Variants in SELP observed in about 807,000 individuals in gnomAD.
SELP encodes the protein selectin P.
In SELP, 92 loss-of-function variants were observed where a neutral mutation model predicts 104.1. The observed-to-expected ratio is 0.88, with a 90% CI of 0.75 to 1.05. SELP has a LOEUF of 1.05. SELP is among the 50% of genes least tolerant of loss of function. The probability of loss-of-function intolerance (pLI) is 0.00; values close to 1 mark genes in which losing one functional copy is unlikely to be tolerated. For synonymous variants in SELP, 397 were observed against 364.5 expected (o/e 1.09, Z -1.01); for missense variants, 1,022 against 1,017.3 (o/e 1.00, Z -0.06).
In SELP at chr1:169,630,104, T is replaced by G; in HGVS notation, c.-30A>C. 1 of 1,614,158 alleles carries G rather than the reference T, an allele frequency of 6.2e-7. No homozygotes were observed. Among genetic ancestry groups the G allele is most frequent in the Non-Finnish European group, 8.5e-7 (1 of 1,179,988 alleles). On this transcript the variant is annotated 5_prime_UTR_variant, in exon 1 of 17. Coordinates refer to ENST00000263686, the MANE Select transcript of SELP (RefSeq NM_003005.4). ...TCTGTGACTCTGCTGGTTTTCTGCC[T>G]TCTGCCCAACCCAGACTGCTTACAG... is the stretch of plus-strand genomic sequence containing the variant.
chr1:169,609,462 C>T lies in SELP; in HGVS notation c.1333+42G>A, dbSNP rs561526630. On this transcript the variant is annotated intron_variant, in intron 8 of 16. Coordinates refer to ENST00000263686, the MANE Select transcript of SELP (RefSeq NM_003005.4). Reference sequence around the variant, plus strand: ...TCAGTGCAGATGCTGATGCCTCTAACGAGCTGAGACACACAGAAAAACATT... The same window carrying T: ...TCAGTGCAGATGCTGATGCCTCTAATGAGCTGAGACACACAGAAAAACATT... The T allele has an allele frequency of 4.4e-5, 69 of 1,569,548 alleles. 1 individual carries two copies. The highest frequency in any genetic ancestry group is 2.5e-4 in the Admixed American group (14 of 55,842).
At chr1:169,601,766 C>G (rs1661922163) in intron 10 of SELP, among the ~76,000 whole-genome samples, 10 of 152,282 alleles carry the variant, frequency 6.6e-5, no homozygotes. Context: ...GCTACTTAAC[C>G]TCTCAAAGCC....
At chr1:169,607,604 G>T (rs564690116) in intron 8 of SELP, among the ~76,000 whole-genome samples, 1 of 152,220 alleles carries the variant, frequency 6.6e-6, no homozygotes, top group Non-Finnish European at 1.5e-5. Flanking sequence ...AATGTATGAT[G>T]TTAAATAAAA....
intron 11 of SELP, 42 bp downstream of exon 11, chr1:169,596,949 A>ACCC: frequency 6.6e-7 from 1 of 1,521,106 alleles, no homozygotes; most frequent in Non-Finnish European, 8.9e-7. Flanking sequence ...TGTAGAATAA[A>ACCC]TTTCCAAAAG....
At position 169,590,176 on chromosome 1, in the gene SELP, G is replaced by A. The variant is rs748832593; in HGVS notation, c.2465C>T (p.Thr822Ile). The A allele has an allele frequency of 6.2e-7, 1 of 1,613,358 alleles. No homozygotes were observed. The highest frequency in any genetic ancestry group is 2.2e-5 in the East Asian group (1 of 44,864). Residue 822 changes from threonine (T) to isoleucine (I), a missense_variant, in exon 16 of 17, where the codon ACA becomes ATA. Transcript: ENST00000263686. Reference sequence around the variant, plus strand: ...AGGACTCGGGTCAAATGCAGCGTTTGTAAAAACTCCATATGTTCCTAGGTG... The same window carrying A: ...AGGACTCGGGTCAAATGCAGCGTTTATAAAAACTCCATATGTTCCTAGGTG... ...HSHLGTYGVF[T>I]NAAFDPSP
At position 169,597,134 on chromosome 1, in the gene SELP, A is replaced by C. The variant is rs565289341; in HGVS notation, c.1748T>G (p.Leu583Arg). The C allele has an allele frequency of 1.9e-6, 3 of 1,610,704 alleles. No individual in the cohort carries two copies. The African/African-American group carries it at 4.0e-5, about 22-fold the overall frequency. ...TTCTCCACGAGTGTCAGAACAATCC[A>C]GGCTGCCCTGCTCTGGGGCAAAGAG... Reference protein sequence around the residue: ...PELFAPEQGSLDCSDTRGEFN... With the variant: ...PELFAPEQGSRDCSDTRGEFN... Residue 583 changes from leucine (L) to arginine (R), a missense_variant, in exon 11 of 17, where the codon CTG becomes CGG. By Grantham distance (102) the Leu-to-Arg change is moderately radical. Coordinates refer to ENST00000263686, the MANE Select transcript of SELP (RefSeq NM_003005.4).
intron 3 of SELP, among the ~76,000 whole-genome samples, chr1:169,616,666 T>TG (rs1348392939): frequency 6.6e-6 from 1 of 151,772 alleles, no homozygotes; most frequent in East Asian, 1.9e-4. Flanking sequence ...GACACAGGGG[T>TG]GAAAAAAAAG....
intron 9 of SELP, among the ~76,000 whole-genome samples, chr1:169,604,715 G>A (rs1662096860): frequency 6.6e-6 from 1 of 152,134 alleles, no homozygotes; most frequent in Non-Finnish European, 1.5e-5. Context: ...TGTGGGGCTG[G>A]AGAGGACACA....
rs1323219691 is a variant in SELP, at chr1:169,617,205, T to C, written c.304A>G (p.Thr102Ala). ...AGAGCCTTTTTGGTTCCCACCCATG[T>C]CCATGTCTTATTGTTCTTTCGGATC... is the stretch of plus-strand genomic sequence containing the variant. ...IGIRKNNKTWTWVGTKKALTN... is the reference protein window; with the variant it reads ...IGIRKNNKTWAWVGTKKALTN... The change falls in exon 3 of 17, where the codon ACA becomes GCA. Residue 102 changes from threonine (T) to alanine (A), a missense_variant. By Grantham distance (58) the Thr-to-Ala change is moderately conservative. Coordinates refer to ENST00000263686, the MANE Select transcript of SELP (RefSeq NM_003005.4). 6.2e-7 allele frequency: 1 copy of C among 1,614,110 alleles called. No individual in the cohort carries two copies. Among genetic ancestry groups the C allele is most frequent in the African/African-American group, 1.3e-5 (1 of 74,940 alleles).
chr1:169,604,169 T>A (rs1571639385), intron 9 of SELP, among the ~76,000 whole-genome samples: 1 of 151,312 alleles, frequency 6.6e-6, no homozygotes, highest in Non-Finnish European at 1.5e-5. Context: ...GGTATCTCAT[T>A]GTGGTTTTGA....
At chr1:169,606,584 C>T (rs1322080861) in intron 9 of SELP, among the ~76,000 whole-genome samples, 2 of 151,836 alleles carry the variant, frequency 1.3e-5, no homozygotes, top group African/African-American at 4.9e-5. Context: ...GGGACAACCA[C>T]TCTGAAGCAA....
At chr1:169,618,870 T>A (rs1009775827) in intron 2 of SELP, among the ~76,000 whole-genome samples, 19 of 152,216 alleles carry the variant, frequency 1.2e-4, no homozygotes, top group African/African-American at 3.6e-4. Flanking sequence ...CAGACGTGTG[T>A]GGGTCTTTGA....
intron 1 of SELP, among the ~76,000 whole-genome samples, chr1:169,620,272 C>T (rs1160660658): frequency 6.6e-6 from 1 of 152,090 alleles, no homozygotes; most frequent in Admixed American, 6.6e-5. Flanking sequence ...GTCCGACTTC[C>T]TCATGTTGCA....
chr1:169,609,780 C>A (rs943343348), intron 7 of SELP, 91 bp from the exon 8 acceptor site: 5 of 1,236,540 alleles, frequency 4.0e-6, no homozygotes, highest in African/African-American at 3.0e-5. Context: ...CTTTCCTGTC[C>A]ACATTTTCAG....
chr1:169,593,813 C>G, intron 13 of SELP, 89 bp from the exon 14 acceptor site: 1 of 1,387,346 alleles, frequency 7.2e-7, no homozygotes, highest in Non-Finnish European at 1.0e-6. Flanking sequence ...TTCAAGAACT[C>G]TAAGATGTGC....
At chr1:169,592,961 C>T (rs775877245) in intron 14 of SELP, among the ~76,000 whole-genome samples, 8 of 152,102 alleles carry the variant, frequency 5.3e-5, no homozygotes, top group African/African-American at 1.9e-4. Flanking sequence ...TTCCATTTTC[C>T]CCTTGGCTAA....
chr1:169,627,277 A>G (rs551900504), intron 1 of SELP, among the ~76,000 whole-genome samples: 12 of 152,338 alleles, frequency 7.9e-5, no homozygotes, highest in African/African-American at 2.4e-4. Flanking sequence ...TAGGGGTGGA[A>G]AAAGAAATAC....
chr1:169,629,063 C>A (rs1663513100), intron 1 of SELP, among the ~76,000 whole-genome samples: 2 of 152,318 alleles, frequency 1.3e-5, no homozygotes, highest in South Asian at 4.2e-4. Context: ...CCTCCATAGC[C>A]ACAGACTGCA....
chr1:169,601,053 C>G (rs1490674839), intron 10 of SELP, among the ~76,000 whole-genome samples: 1 of 151,972 alleles, frequency 6.6e-6, no homozygotes, highest in Non-Finnish European at 1.5e-5. Context: ...ATGTTGGTTG[C>G]CTACATGATT....
Sources: allele counts gnomAD v4.1 joint callset (sites outside exome capture counted in the v4.1 genomes callset), GRCh38; gene constraint gnomAD v4.1.1; transcripts MANE v1.5; gene names NCBI Gene and HGNC (gene_info 2026-07-23, HGNC 2026-07-21).